Variants in PPP1R8 observed in about 807,000 individuals in gnomAD.
PPP1R8 encodes nuclear inhibitor of protein phosphatase 1.
Under a neutral mutation model 31.3 loss-of-function variants are expected in PPP1R8, and 4 were observed. That is an observed-to-expected ratio of 0.13 (90% CI 0.06 to 0.29). PPP1R8 has a LOEUF of 0.29. PPP1R8 is among the 10% of genes least tolerant of loss of function. The pLI, the probability that PPP1R8 is intolerant of heterozygous loss-of-function variation, is 1.00. For missense variants in PPP1R8, 254 were observed against 440.1 expected, an observed-to-expected ratio of 0.58 and a Z score of 3.78; for synonymous variants, 170 against 169.7, an observed-to-expected ratio of 1.00 and a Z score of -0.01.
chr1:27,848,242 A>C (rs2089304842), intron 6 of PPP1R8, among the ~76,000 whole-genome samples: 1 of 152,152 alleles, frequency 6.6e-6, no homozygotes, highest in Non-Finnish European at 1.5e-5. Context: ...CGCTACTGAA[A>C]ATACAAAAAA....
chr1:27,848,832 TCAA>T (rs948669667), intron 6 of PPP1R8, among the ~76,000 whole-genome samples: 1 of 152,168 alleles, frequency 6.6e-6, no homozygotes, highest in African/African-American at 2.4e-5. Context: ...AAGTACAAAA[TCAA>T]CAGGTGTATA....
Position 27,830,996 on chromosome 1 carries a change from A to G in PPP1R8, c.56+105A>G, listed in dbSNP as rs767442449. ...TCTGCTGCGAGCCGAACGGCTCAGAAACCCCGGAATGGTTGAGGAAAAACT... is the reference window on the plus strand; with the variant it reads ...TCTGCTGCGAGCCGAACGGCTCAGAGACCCCGGAATGGTTGAGGAAAAACT... On this transcript the variant is annotated intron_variant, in intron 1 of 6. Transcript: ENST00000311772. 23 of 1,441,820 alleles carry G rather than the reference A, an allele frequency of 1.6e-5. No individual in the cohort carries two copies. The Admixed American group carries it at 2.9e-4, about 18-fold the overall frequency. The allele number at this position is 1,441,820 out of a possible 1,614,324, so 89.3% of individuals were successfully genotyped here.
intron 3 of PPP1R8, among the ~76,000 whole-genome samples, chr1:27,840,527 A>T (rs1251696420): frequency 1.3e-5 from 2 of 152,218 alleles, no homozygotes; most frequent in Non-Finnish European, 2.9e-5. Context: ...AACTGCCACC[A>T]GGCCAGCAAT....
intron 2 of PPP1R8, among the ~76,000 whole-genome samples, chr1:27,833,891 T>G (rs900597722): frequency 1.3e-5 from 2 of 152,216 alleles, no homozygotes; most frequent in African/African-American, 4.8e-5. Context: ...GTTTTAATGA[T>G]TTCTCCTGTT....
intron 5 of PPP1R8, among the ~76,000 whole-genome samples, chr1:27,844,390 G>A (rs781043251): frequency 2.6e-5 from 4 of 151,782 alleles, no homozygotes; most frequent in Admixed American, 6.6e-5. Flanking sequence ...GTGCAGTGAC[G>A]CAATCTCGGC....
intron 2 of PPP1R8, among the ~76,000 whole-genome samples, chr1:27,836,551 A>C (rs1464699124): frequency 6.6e-6 from 1 of 151,876 alleles, no homozygotes; most frequent in African/African-American, 2.4e-5. Flanking sequence ...AGTAGCTGGG[A>C]CTACAGGCAC....
At chr1:27,830,953 C>A in intron 1 of PPP1R8, 62 bp downstream of exon 1, 2 of 1,476,854 alleles carry the variant, frequency 1.4e-6, no homozygotes, top group Non-Finnish European at 1.8e-6. Flanking sequence ...GCTGGAAGGG[C>A]GGCTCTTTTT....
chr1:27,834,816 A>G (rs2089146852), intron 2 of PPP1R8, among the ~76,000 whole-genome samples: 1 of 152,142 alleles, frequency 6.6e-6, no homozygotes. Context: ...TCAGGAGTTC[A>G]AGACCAGGCT....
chr1:27,843,337 T>C lies in PPP1R8; in HGVS notation c.637+7T>C, dbSNP rs775160756. On this transcript the variant is annotated splice_region_variant and intron_variant, in intron 5 of 6. Transcript: ENST00000311772. ...GATGAGATCATCAACCCAGGTGAGG[T>C]ATCTTGCTAGTTTATTCTGATGAAA... 3.4e-5 allele frequency: 55 copies of C among 1,614,048 alleles called. No homozygotes were observed. The East Asian group carries it at 1.2e-3, about 35-fold the overall frequency.
intron 2 of PPP1R8, 32 bp from the exon 3 acceptor site, chr1:27,838,667 T>C: frequency 7.3e-7 from 1 of 1,363,022 alleles, no homozygotes. Flanking sequence ...TGAAACAAGA[T>C]TTAAGTAATA....
rs2089195085 is a variant in PPP1R8, at chr1:27,838,805, T to C, written c.224T>C (p.Val75Ala). 6.2e-7 allele frequency: 1 copy of C among 1,612,140 alleles called. No individual in the cohort carries two copies. Among genetic ancestry groups the C allele is most frequent in the Non-Finnish European group, 8.5e-7 (1 of 1,179,288 alleles). Reference sequence around the variant, plus strand: ...TGCTCTCGGGTCCATGCTGCACTTGTCTACCACAAGCATCTGAAGAGAGTT... The same window carrying C: ...TGCTCTCGGGTCCATGCTGCACTTGCCTACCACAAGCATCTGAAGAGAGTT... ...QSCSRVHAAL[V>A]YHKHLKRVFL... The change falls in exon 3 of 7, where the codon GTC becomes GCC. Residue 75 changes from valine (V) to alanine (A), a missense_variant. Val to Ala is a moderately conservative substitution (Grantham distance 64). Around this residue, in one of 6 missense-constraint regions of PPP1R8, gnomAD observed 52 missense variants for 145.3 expected, o/e 0.36. Coordinates refer to ENST00000311772, the MANE Select transcript of PPP1R8 (RefSeq NM_014110.5).
rs756213738 is a variant in PPP1R8, at chr1:27,850,095, G to A, written c.705G>A (p.Lys235=). 1.1e-5 allele frequency: 17 copies of A among 1,564,020 alleles called. No individual in the cohort carries two copies. Among genetic ancestry groups the A allele is most frequent in the Non-Finnish European group, 1.4e-5 (16 of 1,153,672 alleles). The change falls in exon 7 of 7, where the codon AAG becomes AAA. Residue 235 remains lysine (K), a splice_region_variant and synonymous_variant. Transcript: ENST00000311772. ...MVQTAVVPVK[K]KRVEGPGSLG... ...CCTCTCCTCATCGTGAACTGTAGAA[G>A]AAGCGTGTGGAGGGCCCTGGCTCCC...
chr1:27,843,910 G>C (rs2089246960), intron 5 of PPP1R8, among the ~76,000 whole-genome samples: 1 of 152,350 alleles, frequency 6.6e-6, no homozygotes, highest in South Asian at 2.1e-4. Context: ...CCGAGGTTGT[G>C]CCACTGCACT....
chr1:27,831,006 T>G, intron 1 of PPP1R8, 115 bp downstream of exon 1: 1 of 1,428,680 alleles, frequency 7.0e-7, no homozygotes, highest in Non-Finnish European at 9.2e-7. Flanking sequence ...AACCCCGGAA[T>G]GGTTGAGGAA....
At position 27,847,062 on chromosome 1, in the gene PPP1R8, C is replaced by T; in HGVS notation, c.672C>T (p.Asn224=). The change falls in exon 6 of 7, where the codon AAC becomes AAT. Residue 224 remains asparagine (N), a synonymous_variant. Coordinates refer to ENST00000311772, the MANE Select transcript of PPP1R8 (RefSeq NM_014110.5). The stretch of plus-strand genomic sequence containing the variant: ...ATCCCTCAGTTGGTCGATTCAGGAA[C>T]ATGGTGCAAACTGCAGTGGTCCCAG... ...DVDPSVGRFR[N]MVQTAVVPVK... 1 of 1,614,138 alleles carries T rather than the reference C, an allele frequency of 6.2e-7. No homozygotes were observed. The highest frequency in any genetic ancestry group is 8.5e-7 in the Non-Finnish European group (1 of 1,180,008).
At chr1:27,838,106 G>T (rs537901401) in intron 2 of PPP1R8, among the ~76,000 whole-genome samples, 2 of 152,068 alleles carry the variant, frequency 1.3e-5, no homozygotes, top group African/African-American at 4.8e-5. Flanking sequence ...AGCTACTTGG[G>T]AGGCTGAGGC....
At chr1:27,844,699 ATTTC>A (rs1571553878) in intron 5 of PPP1R8, among the ~76,000 whole-genome samples, 1 of 117,802 alleles carries the variant, frequency 8.5e-6, no homozygotes, top group South Asian at 2.5e-4. Flanking sequence ...GACTAGACAA[ATTTC>A]TTTTTTTTTT....
At chr1:27,831,071 C>T (rs1394473234) in intron 1 of PPP1R8, 180 bp downstream of exon 1, 3 of 1,382,238 alleles carry the variant, frequency 2.2e-6, no homozygotes, top group Non-Finnish European at 2.8e-6. Context: ...GAGCCTGGAG[C>T]CCAGGCCCAG....
chr1:27,841,651 A>AAAGGAT (rs1340831256), intron 4 of PPP1R8, among the ~76,000 whole-genome samples: 1 of 152,156 alleles, frequency 6.6e-6, no homozygotes, highest in Non-Finnish European at 1.5e-5. Flanking sequence ...GCAAAGAGAG[A>AAAGGAT]ATGTTTTCAT....
Sources: allele counts gnomAD v4.1 joint callset (sites outside exome capture counted in the v4.1 genomes callset), GRCh38; gene constraint gnomAD v4.1.1; regional missense constraint gnomAD v4.1.1; transcripts MANE v1.5; gene names NCBI Gene and HGNC (gene_info 2026-07-23, HGNC 2026-07-21).